NALF1: variants seen among roughly 807,000 people sequenced by gnomAD.
The protein encoded by NALF1 is family with sequence similarity 155 member A.
In NALF1, 3 loss-of-function variants were observed where a neutral mutation model predicts 48.4. The ratio of observed to expected loss-of-function variants is 0.06; its 90% CI spans 0.03 to 0.16. The LOEUF is 0.16. Among genes scored for constraint, NALF1 ranks in the 10% least tolerant of loss-of-function variants. The pLI is 1.00. For missense variants in NALF1, 526 were observed against 571.5 expected (o/e 0.92, Z 0.81); for synonymous variants, 262 against 245.7 (o/e 1.07, Z -0.62).
At chr13:107,316,778 T>C (rs1360706416) in intron 1 of NALF1, among the ~76,000 whole-genome samples, 1 of 151,506 alleles carries the variant, frequency 6.6e-6, no homozygotes, top group Non-Finnish European at 1.5e-5. Flanking sequence ...GAGTTCTTTG[T>C]AGATTCTTAA....
intron 1 of NALF1, among the ~76,000 whole-genome samples, chr13:107,683,507 C>T (rs1881355706): frequency 6.6e-6 from 1 of 152,188 alleles, no homozygotes; most frequent in African/African-American, 2.4e-5. Flanking sequence ...GATGCGCTTC[C>T]AAACTCCAGA....
intron 1 of NALF1, among the ~76,000 whole-genome samples, chr13:107,763,809 G>T (rs910947522): frequency 5.3e-5 from 8 of 152,056 alleles, no homozygotes; most frequent in Non-Finnish European, 1.0e-4. Flanking sequence ...AGGACTACCA[G>T]GTATACAATG....
At chr13:107,716,634 A>G (rs148345518) in intron 1 of NALF1, among the ~76,000 whole-genome samples, 1 of 152,338 alleles carries the variant, frequency 6.6e-6, no homozygotes, top group African/African-American at 2.4e-5. Context: ...GTGGATATGC[A>G]GTGTCCAGCT....
At chr13:107,754,387 ACACACAC>A (rs1291249953) in intron 1 of NALF1, among the ~76,000 whole-genome samples, 11 of 146,438 alleles carry the variant, frequency 7.5e-5, no homozygotes, top group Non-Finnish European at 3.0e-5. Context: ...ACACACACAC[ACACACAC>A]ACACCATATA....
intron 1 of NALF1, among the ~76,000 whole-genome samples, chr13:107,721,066 C>T (rs539074045): frequency 6.6e-6 from 1 of 150,532 alleles, no homozygotes; most frequent in African/African-American, 2.4e-5. Context: ...TTATTCACTC[C>T]AAAACAGACA....
At chr13:107,494,413 A>C (rs567604939) in intron 1 of NALF1, among the ~76,000 whole-genome samples, 1 of 152,184 alleles carries the variant, frequency 6.6e-6, no homozygotes, top group Non-Finnish European at 1.5e-5. Context: ...AAAAGGGCAA[A>C]ACCCAAATGG....
At chr13:107,721,109 T>TACACACACAC (rs66578211) in intron 1 of NALF1, among the ~76,000 whole-genome samples, 1 of 143,842 alleles carries the variant, frequency 7.0e-6, no homozygotes, top group Admixed American at 7.0e-5. Flanking sequence ...CAGATCTCAA[T>TACACACACAC]ACACACACAC....
chr13:107,312,679 C>T (rs904303536), intron 1 of NALF1, among the ~76,000 whole-genome samples: 8 of 151,976 alleles, frequency 5.3e-5, no homozygotes, highest in African/African-American at 7.3e-5. Context: ...ACATCTTTTA[C>T]GAAATTAAGA....
intron 1 of NALF1, among the ~76,000 whole-genome samples, chr13:107,740,601 A>G (rs1876603366): frequency 6.6e-6 from 1 of 152,334 alleles, no homozygotes; most frequent in South Asian, 2.1e-4. Context: ...ACAGAAAACT[A>G]AAAGTGTTTA....
chr13:107,454,375 A>C (rs933345435), intron 1 of NALF1, among the ~76,000 whole-genome samples: 3 of 152,162 alleles, frequency 2.0e-5, no homozygotes, highest in East Asian at 3.9e-4. Flanking sequence ...GGCAGAAGAC[A>C]AAGGGAAAGC....
chr13:107,280,095 T>C (rs1881358137), intron 1 of NALF1, among the ~76,000 whole-genome samples: 1 of 152,176 alleles, frequency 6.6e-6, no homozygotes, highest in Non-Finnish European at 1.5e-5. Flanking sequence ...GGTGGACACC[T>C]AAGCTAGTTT....
chr13:107,385,592 A>T (rs1454456849), intron 1 of NALF1, among the ~76,000 whole-genome samples: 1 of 151,614 alleles, frequency 6.6e-6, no homozygotes, highest in Non-Finnish European at 1.5e-5. Context: ...GAAAAGAAAA[A>T]AATGCATATC....
chr13:107,696,544 CAAGTT>C (rs1881703215), intron 1 of NALF1, among the ~76,000 whole-genome samples: 1 of 131,280 alleles, frequency 7.6e-6, no homozygotes, highest in Non-Finnish European at 1.6e-5. Context: ...TTAACATCTC[CAAGTT>C]GAGTGTGTGT....
chr13:107,727,434 C>A (rs1350189178), intron 1 of NALF1, among the ~76,000 whole-genome samples: 3 of 152,092 alleles, frequency 2.0e-5, no homozygotes, highest in African/African-American at 7.2e-5. Flanking sequence ...CTGCTGTACA[C>A]CCCTCTAGGA....
At chr13:107,462,864 T>A (rs1430904631) in intron 1 of NALF1, among the ~76,000 whole-genome samples, 1 of 152,212 alleles carries the variant, frequency 6.6e-6, no homozygotes, top group Non-Finnish European at 1.5e-5. Context: ...CTATGCACCT[T>A]TTCCCTTTGC....
At chr13:107,698,890 T>G (rs1253935777) in intron 1 of NALF1, among the ~76,000 whole-genome samples, 1 of 152,068 alleles carries the variant, frequency 6.6e-6, no homozygotes, top group Non-Finnish European at 1.5e-5. Flanking sequence ...GTGACAGACA[T>G]CTAGGGTCAT....
intron 1 of NALF1, among the ~76,000 whole-genome samples, chr13:107,864,654 T>C (rs558946489): frequency 1.7e-4 from 26 of 152,344 alleles, no homozygotes; most frequent in African/African-American, 5.3e-4. Flanking sequence ...ATAGAGATAC[T>C]GTCATTACAT....
At chr13:107,678,726 C>T (rs1054191661) in intron 1 of NALF1, among the ~76,000 whole-genome samples, 9 of 152,242 alleles carry the variant, frequency 5.9e-5, no homozygotes, top group South Asian at 2.1e-4. Context: ...GTCTTCACAA[C>T]GGGGCAGGAA....
intron 1 of NALF1, among the ~76,000 whole-genome samples, chr13:107,621,193 TAC>T (rs1161917449): frequency 6.6e-6 from 1 of 152,182 alleles, no homozygotes; most frequent in Non-Finnish European, 1.5e-5. Context: ...CATCCTAAAT[TAC>T]AGTGTTAACA....
Sources: gnomAD v4.1 joint callset for allele counts (sites outside exome capture counted in the v4.1 genomes callset) on GRCh38, gnomAD v4.1.1 for gene constraint, MANE v1.5 for transcripts, NCBI Gene and HGNC (gene_info 2026-07-23, HGNC 2026-07-21) for gene names.